The following CDKAL1 variants were observed in gnomAD, a reference collection of about 807,000 sequenced individuals.
The protein encoded by CDKAL1 is threonylcarbamoyladenosine tRNA methylthiotransferase.
A neutral mutation model predicts 68.2 loss-of-function variants in CDKAL1; 32 were observed. The ratio of observed to expected loss-of-function variants is 0.47; its 90% CI spans 0.35 to 0.63. The LOEUF is 0.63. Among genes scored for constraint, CDKAL1 ranks in the 30% least tolerant of loss-of-function variants. The pLI is 0.00. For missense variants in CDKAL1, 606 were observed against 696.7 expected (o/e 0.87, Z 1.47); for synonymous variants, 234 against 244.3 (o/e 0.96, Z 0.39).
At chr6:20,842,906 C>T (rs1304168050) in intron 8 of CDKAL1, among the ~76,000 whole-genome samples, 1 of 152,190 alleles carries the variant, frequency 6.6e-6, no homozygotes, top group African/African-American at 2.4e-5. Context: ...CAATTTAACA[C>T]AGAGTTTTTT....
At chr6:20,700,779 G>C (rs1771315128) in intron 5 of CDKAL1, among the ~76,000 whole-genome samples, 2 of 152,138 alleles carry the variant, frequency 1.3e-5, no homozygotes, top group South Asian at 4.1e-4. Flanking sequence ...TTCAGGACCA[G>C]ATGGAACTAG....
chr6:20,715,116 T>C (rs921326756), intron 5 of CDKAL1, among the ~76,000 whole-genome samples: 1 of 152,226 alleles, frequency 6.6e-6, no homozygotes, highest in Non-Finnish European at 1.5e-5. Flanking sequence ...ACAACATTAT[T>C]AACTATAGTC....
intron 9 of CDKAL1, among the ~76,000 whole-genome samples, chr6:20,903,614 G>A (rs1024348134): frequency 2.6e-5 from 4 of 152,116 alleles, no homozygotes; most frequent in African/African-American, 9.7e-5. Flanking sequence ...GAAAATTCTG[G>A]TAACAAAGAT....
intron 4 of CDKAL1, among the ~76,000 whole-genome samples, chr6:20,590,975 A>C (rs1006392379): frequency 6.6e-6 from 1 of 152,180 alleles, no homozygotes; most frequent in African/African-American, 2.4e-5. Context: ...TCCCATCAAC[A>C]GTGTAAAAGC....
intron 7 of CDKAL1, among the ~76,000 whole-genome samples, chr6:20,779,987 G>A (rs193101156): frequency 3.2e-4 from 49 of 151,722 alleles, no homozygotes; most frequent in African/African-American, 1.1e-3. Context: ...GGTGGCTCAT[G>A]CCTGTAATCC....
chr6:20,672,144 C>CCCTCTCCCTCTCCTTCTG (rs1213265005), intron 5 of CDKAL1, among the ~76,000 whole-genome samples: 2 of 151,834 alleles, frequency 1.3e-5, no homozygotes, highest in Non-Finnish European at 2.9e-5. Context: ...CCTTCCCTCT[C>CCCTCTCCCTCTCCTTCTG]CCTCTCCCTC....
intron 4 of CDKAL1, among the ~76,000 whole-genome samples, chr6:20,616,800 C>T (rs955818795): frequency 2.0e-5 from 3 of 148,528 alleles, no homozygotes; most frequent in South Asian, 2.1e-4. Flanking sequence ...CCCAGGAGTT[C>T]GAGACCAGCC....
chr6:20,639,349 A>G (rs916227174), intron 4 of CDKAL1, among the ~76,000 whole-genome samples: 5 of 152,224 alleles, frequency 3.3e-5, no homozygotes, highest in East Asian at 1.9e-4. Flanking sequence ...GACTCACTCT[A>G]CAGACACCAC....
At chr6:21,121,866 T>A (rs1309837795) in intron 13 of CDKAL1, among the ~76,000 whole-genome samples, 2 of 152,218 alleles carry the variant, frequency 1.3e-5, no homozygotes, top group African/African-American at 2.4e-5. Context: ...TTTCCTCTTC[T>A]AAAACTTCAG....
chr6:20,580,491 C>T (rs1004316941), intron 4 of CDKAL1, among the ~76,000 whole-genome samples: 4 of 151,996 alleles, frequency 2.6e-5, no homozygotes, highest in African/African-American at 9.7e-5. Context: ...CTATTATGGC[C>T]ACTTCTCATC....
chr6:20,784,015 C>T (rs1213941698), intron 8 of CDKAL1, among the ~76,000 whole-genome samples: 1 of 152,042 alleles, frequency 6.6e-6, no homozygotes, highest in Non-Finnish European at 1.5e-5. Flanking sequence ...GAGATTGAGA[C>T]CATCCTGGCC....
At chr6:20,550,074 G>A (rs1763759024) in intron 4 of CDKAL1, among the ~76,000 whole-genome samples, 1 of 151,906 alleles carries the variant, frequency 6.6e-6, no homozygotes. Flanking sequence ...TGCCTCCGGG[G>A]TTCAAGGGAT....
At chr6:20,587,293 T>G (rs981152970) in intron 4 of CDKAL1, among the ~76,000 whole-genome samples, 3 of 152,090 alleles carry the variant, frequency 2.0e-5, no homozygotes, top group African/African-American at 7.2e-5. Flanking sequence ...GGCCTCCTTC[T>G]TTTCATTTTA....
intron 8 of CDKAL1, among the ~76,000 whole-genome samples, chr6:20,822,535 G>A (rs2150444639): frequency 6.6e-6 from 1 of 152,216 alleles, no homozygotes; most frequent in East Asian, 1.9e-4. Context: ...CGTTTTCTTT[G>A]GCTCAGCGAT....
At chr6:20,741,573 T>C (rs1297712064) in intron 6 of CDKAL1, among the ~76,000 whole-genome samples, 1 of 152,142 alleles carries the variant, frequency 6.6e-6, no homozygotes, top group African/African-American at 2.4e-5. Flanking sequence ...GTATTTGGTT[T>C]TCTGCTCCTG....
intron 9 of CDKAL1, among the ~76,000 whole-genome samples, chr6:20,920,848 G>A (rs1461573120): frequency 1.3e-5 from 2 of 152,052 alleles, no homozygotes; most frequent in Non-Finnish European, 2.9e-5. Flanking sequence ...GAGAGATACT[G>A]GCCCAGTCAT....
intron 11 of CDKAL1, among the ~76,000 whole-genome samples, chr6:21,005,530 G>C (rs1242050187): frequency 2.0e-5 from 3 of 152,146 alleles, no homozygotes. Flanking sequence ...ACCTTAAATA[G>C]TTAACATCTC....
intron 10 of CDKAL1, among the ~76,000 whole-genome samples, chr6:20,996,785 C>T (rs1767138819): frequency 6.6e-6 from 1 of 152,122 alleles, no homozygotes; most frequent in Admixed American, 6.6e-5. Context: ...ACAGGGTTGC[C>T]ACAAACCTTC....
At chr6:21,148,200 C>T (rs748116072) in intron 13 of CDKAL1, among the ~76,000 whole-genome samples, 14 of 152,064 alleles carry the variant, frequency 9.2e-5, no homozygotes, top group Non-Finnish European at 1.3e-4. Flanking sequence ...TGTTTCGGAG[C>T]GGGATGGGAA....
Sources: allele counts gnomAD v4.1 joint callset (sites outside exome capture counted in the v4.1 genomes callset), GRCh38; gene constraint gnomAD v4.1.1; transcripts MANE v1.5; gene names NCBI Gene and HGNC (gene_info 2026-07-23, HGNC 2026-07-21).